The following CAMK4 variants were observed in gnomAD, a reference collection of about 807,000 sequenced individuals.
The protein encoded by CAMK4 is calcium/calmodulin dependent protein kinase IV.
CAMK4 carries 22 observed loss-of-function variants against 44.9 expected under a neutral mutation model. The observed-to-expected ratio is 0.49, with a 90% CI of 0.35 to 0.70. The LOEUF is 0.70. Among genes scored for constraint, CAMK4 ranks in the 30% least tolerant of loss-of-function variants. CAMK4 has a pLI of 0.01. For synonymous variants in CAMK4, 218 were observed against 215.4 expected (o/e 1.01, Z -0.11); for missense variants, 498 against 586.8 (o/e 0.85, Z 1.56).
chr5:111,354,124 C>T (rs914821877), intron 2 of CAMK4, among the ~76,000 whole-genome samples: 13 of 151,956 alleles, frequency 8.6e-5, no homozygotes, highest in African/African-American at 3.1e-4. Context: ...AATAATCCTG[C>T]CAATTGCGAC....
chr5:111,266,714 G>C (rs1328481647), intron 1 of CAMK4, among the ~76,000 whole-genome samples: 1 of 152,200 alleles, frequency 6.6e-6, no homozygotes. Flanking sequence ...TCTAAGCCCT[G>C]TGGCATATGG....
chr5:111,225,876 A>G (rs555256990), intron 1 of CAMK4, among the ~76,000 whole-genome samples: 6 of 152,236 alleles, frequency 3.9e-5, no homozygotes, highest in Non-Finnish European at 8.8e-5. Flanking sequence ...GCACTGAATA[A>G]TGTATACATA....
chr5:111,245,176 TA>T (rs1465559302), intron 1 of CAMK4, among the ~76,000 whole-genome samples: 2 of 152,194 alleles, frequency 1.3e-5, no homozygotes, highest in Non-Finnish European at 2.9e-5. Context: ...ATAAGTTATT[TA>T]CAAGAGAAAT....
At chr5:111,459,758 G>C (rs531694211) in intron 7 of CAMK4, among the ~76,000 whole-genome samples, 19 of 133,618 alleles carry the variant, frequency 1.4e-4, no homozygotes, top group African/African-American at 5.4e-4. Flanking sequence ...GCAGTGGCTT[G>C]ATCTCCGCTC....
At chr5:111,480,197 G>A (rs1755384323) in intron 9 of CAMK4, among the ~76,000 whole-genome samples, 1 of 146,124 alleles carries the variant, frequency 6.8e-6, no homozygotes, top group Non-Finnish European at 1.5e-5. Flanking sequence ...CTTCTGCTCT[G>A]TAATGTTCTT....
intron 1 of CAMK4, among the ~76,000 whole-genome samples, chr5:111,318,668 G>A (rs1399498134): frequency 6.6e-6 from 1 of 152,130 alleles, no homozygotes; most frequent in Admixed American, 6.6e-5. Flanking sequence ...GTAATGAAAT[G>A]TCGCTAATGT....
At chr5:111,391,277 T>G (rs1751787819) in intron 4 of CAMK4, among the ~76,000 whole-genome samples, 1 of 152,096 alleles carries the variant, frequency 6.6e-6, no homozygotes, top group African/African-American at 2.4e-5. Flanking sequence ...TTTTGAACGC[T>G]TCATGAACAT....
intron 1 of CAMK4, among the ~76,000 whole-genome samples, chr5:111,308,812 T>A (rs570096259): frequency 6.6e-6 from 1 of 152,230 alleles, no homozygotes; most frequent in East Asian, 1.9e-4. Flanking sequence ...TTATTTATTT[T>A]GAAGTAAAGG....
At chr5:111,265,320 G>C (rs1014161910) in intron 1 of CAMK4, among the ~76,000 whole-genome samples, 5 of 152,178 alleles carry the variant, frequency 3.3e-5, no homozygotes, top group African/African-American at 1.2e-4. Context: ...CGTGAATGTG[G>C]TGTGGTTTTA....
At chr5:111,470,790 A>C (rs1716246116) in intron 7 of CAMK4, among the ~76,000 whole-genome samples, 1 of 152,250 alleles carries the variant, frequency 6.6e-6, no homozygotes, top group Non-Finnish European at 1.5e-5. Context: ...TGATAAGAGG[A>C]ATGAGCATGA....
intron 5 of CAMK4, among the ~76,000 whole-genome samples, chr5:111,395,230 A>AAAAAAAAAAAAAAAAAG (rs1561460468): frequency 1.7e-4 from 18 of 106,440 alleles, no homozygotes; most frequent in African/African-American, 3.2e-4. Flanking sequence ...AAAAAAAAGA[A>AAAAAAAAAAAAAAAAAG]AAAAAAAAAG....
At chr5:111,366,552 A>G (rs1402102354) in intron 2 of CAMK4, among the ~76,000 whole-genome samples, 1 of 152,114 alleles carries the variant, frequency 6.6e-6, no homozygotes, top group African/African-American at 2.4e-5. Context: ...CCTTTAAGCC[A>G]TCATTGCTTT....
chr5:111,435,071 C>A (rs1435521569), intron 5 of CAMK4, among the ~76,000 whole-genome samples: 1 of 152,272 alleles, frequency 6.6e-6, no homozygotes, highest in South Asian at 2.1e-4. Flanking sequence ...AATTACATGT[C>A]TAGACACCCC....
intron 4 of CAMK4, 45 bp from the exon 5 acceptor site, chr5:111,394,665 C>T (rs769009005): frequency 2.3e-6 from 3 of 1,288,580 alleles, no homozygotes; most frequent in South Asian, 1.2e-5. Flanking sequence ...ATCCATTCTT[C>T]TGAATGAATG....
At chr5:111,348,970 G>C (rs924855785) in intron 2 of CAMK4, among the ~76,000 whole-genome samples, 1 of 151,868 alleles carries the variant, frequency 6.6e-6, no homozygotes, top group Admixed American at 6.6e-5. Context: ...TTATTGTATT[G>C]AAAAAACCCT....
intron 2 of CAMK4, among the ~76,000 whole-genome samples, chr5:111,374,420 G>T (rs1338014025): frequency 6.6e-6 from 1 of 152,126 alleles, no homozygotes; most frequent in East Asian, 1.9e-4. Context: ...CAGGGAACAG[G>T]ATACTCTTGT....
intron 5 of CAMK4, among the ~76,000 whole-genome samples, chr5:111,399,185 A>G (rs1752131456): frequency 6.6e-6 from 1 of 152,136 alleles, no homozygotes; most frequent in Non-Finnish European, 1.5e-5. Context: ...CACTTGAGCT[A>G]CACTGGCCTT....
At chr5:111,287,085 C>T (rs922645657) in intron 1 of CAMK4, among the ~76,000 whole-genome samples, 2 of 152,144 alleles carry the variant, frequency 1.3e-5, no homozygotes, top group African/African-American at 4.8e-5. Flanking sequence ...AGTATCTTTT[C>T]ATAAGAATGG....
intron 1 of CAMK4, among the ~76,000 whole-genome samples, chr5:111,268,840 T>C (rs1750374405): frequency 6.6e-6 from 1 of 152,176 alleles, no homozygotes; most frequent in South Asian, 2.1e-4. Flanking sequence ...AAATGATATG[T>C]ATTGTAGGAA....
Sources: gnomAD v4.1 joint callset for allele counts (sites outside exome capture counted in the v4.1 genomes callset) on GRCh38, gnomAD v4.1.1 for gene constraint, MANE v1.5 for transcripts, NCBI Gene and HGNC (gene_info 2026-07-23, HGNC 2026-07-21) for gene names.